ABAT: variants seen among roughly 807,000 people sequenced by gnomAD.
ABAT encodes 4-aminobutyrate aminotransferase.
In ABAT, 45 loss-of-function variants were observed where a neutral mutation model predicts 64.6. The ratio of observed to expected loss-of-function variants is 0.70; its 90% CI spans 0.55 to 0.89. The LOEUF (loss-of-function observed/expected upper bound fraction) is 0.89. ABAT is among the 40% of genes least tolerant of loss of function. The pLI is 0.00. For synonymous variants in ABAT, 297 were observed against 250.5 expected (o/e 1.19, Z -1.75); for missense variants, 633 against 658.4 (o/e 0.96, Z 0.42).
Position 8,776,209 on chromosome 16 carries a change from C to T in ABAT, c.1123-135C>T, listed in dbSNP as rs2142998051. ...AATTCAGCGAGATTGGGTGTGTTCCCCTGCCAGCCTCTGGTAGATGCCCAC... is the reference window on the plus strand; with the variant it reads ...AATTCAGCGAGATTGGGTGTGTTCCTCTGCCAGCCTCTGGTAGATGCCCAC... On this transcript the variant is annotated intron_variant, in intron 13 of 15. Transcript: ENST00000268251. This position sits in a 1 kb window ranked among gnomAD's most constrained non-coding sequence, Gnocchi z 4.4. 1.6e-6 allele frequency: 2 copies of T among 1,230,544 alleles called. No homozygotes were observed. The highest frequency in any genetic ancestry group is 1.2e-5 in the South Asian group (1 of 80,354). 76.2% of individuals were successfully genotyped at this position (1,230,544 alleles called of 1,614,324 possible). A position where few individuals can be genotyped will look rare whatever the true frequency, so the allele number is the denominator to read the frequency against.
intron 1 of ABAT, among the ~76,000 whole-genome samples, chr16:8,688,923 C>CA (rs2057518060): frequency 6.6e-6 from 1 of 151,922 alleles, no homozygotes; most frequent in Admixed American, 6.6e-5. Flanking sequence ...TAAAAATACA[C>CA]AAAAAAATTA....
At chr16:8,740,254 A>G (rs916971840) in intron 2 of ABAT, among the ~76,000 whole-genome samples, 3 of 152,224 alleles carry the variant, frequency 2.0e-5, no homozygotes, top group East Asian at 1.9e-4. Flanking sequence ...GATTTAGCAG[A>G]TTGGGATCCT....
intron 1 of ABAT, among the ~76,000 whole-genome samples, chr16:8,724,731 G>GAAAAAAA (rs1567286719): frequency 1.4e-5 from 1 of 73,190 alleles, no homozygotes; most frequent in African/African-American, 4.3e-5. Context: ...CTTGTCTCAG[G>GAAAAAAA]AAAAAAAAAA....
At chr16:8,771,581 G>A (rs1240739286) in intron 11 of ABAT, among the ~76,000 whole-genome samples, 1 of 151,154 alleles carries the variant, frequency 6.6e-6, no homozygotes, top group African/African-American at 2.4e-5. Flanking sequence ...CGATTCTCGT[G>A]CCTCAGCCAC....
chr16:8,779,259 G>C (rs575757410), intron 14 of ABAT, among the ~76,000 whole-genome samples: 1 of 151,210 alleles, frequency 6.6e-6, no homozygotes, highest in East Asian at 1.9e-4. Flanking sequence ...GCTGGTGGTG[G>C]TGGTGGTGGT....
chr16:8,728,905 A>G (rs947961093), intron 1 of ABAT, among the ~76,000 whole-genome samples: 15 of 152,192 alleles, frequency 9.9e-5, no homozygotes, highest in African/African-American at 3.4e-4. Flanking sequence ...CAGTTAATTC[A>G]TGGCCACACT....
intron 2 of ABAT, among the ~76,000 whole-genome samples, chr16:8,742,760 G>C (rs2059198536): frequency 1.3e-5 from 2 of 151,550 alleles, no homozygotes. Context: ...CAGCTACTCA[G>C]GGGGCTAAGG....
At chr16:8,725,324 A>T (rs1341585535) in intron 1 of ABAT, among the ~76,000 whole-genome samples, 1 of 151,896 alleles carries the variant, frequency 6.6e-6, no homozygotes, top group African/African-American at 2.4e-5. Flanking sequence ...CTAATTCCAG[A>T]TTTTTTTCAT....
chr16:8,781,449 A>G lies in ABAT; in HGVS notation c.*19A>G. On this transcript the variant is annotated 3_prime_UTR_variant, in exon 16 of 16. Transcript: ENST00000268251. This position sits in a 1 kb window ranked among gnomAD's most constrained non-coding sequence, Gnocchi z 4.5. ...CAAGTAAAGAAGCCATTTCCACTAC[A>G]GTGAGAAAGCCCGGATCCCAACAGT... 1 of 1,614,156 alleles carries G rather than the reference A, an allele frequency of 6.2e-7. No individual in the cohort carries two copies. The highest frequency in any genetic ancestry group is 8.5e-7 in the Non-Finnish European group (1 of 1,180,012).
rs138228477 is a variant in ABAT at position 8,777,420 on chromosome 16, C to A, written c.1269+930C>A. Among the ~76,000 whole-genome samples the A allele has an allele frequency of 7.9e-5, 12 of 152,272 alleles. No homozygotes were observed. The East Asian group carries it at 2.3e-3, about 29-fold the overall frequency. On this transcript the variant is annotated intron_variant, in intron 14 of 15. Transcript: ENST00000268251. Reference sequence around the variant, plus strand: ...AAATGGCTCCTGGAGCTCCAGCCATCGCATCTCAATTCCAGGCAATAGGAA... The same window carrying A: ...AAATGGCTCCTGGAGCTCCAGCCATAGCATCTCAATTCCAGGCAATAGGAA...
intron 1 of ABAT, among the ~76,000 whole-genome samples, chr16:8,728,565 A>G (rs6497583): frequency 0.35 from 51,740 of 149,792 alleles, 9,210 homozygotes; most frequent in East Asian, 0.5. Flanking sequence ...GAAAAAAAAA[A>G]TCCATTGAGT....
chr16:8,755,941 C>A (rs1324037775), intron 5 of ABAT, among the ~76,000 whole-genome samples: 2 of 151,944 alleles, frequency 1.3e-5, no homozygotes, highest in African/African-American at 4.8e-5. Flanking sequence ...CCCAGCTACT[C>A]GGGAGGCTGA....
chr16:8,740,290 G>A (rs766310289), intron 2 of ABAT, among the ~76,000 whole-genome samples: 7 of 152,124 alleles, frequency 4.6e-5, no homozygotes, highest in African/African-American at 9.7e-5. Context: ...CAGTTTCTGC[G>A]GGTTGGGACT....
At chr16:8,771,484 T>TTTTTTTTTTA (rs2060107951) in intron 11 of ABAT, among the ~76,000 whole-genome samples, 1 of 127,466 alleles carries the variant, frequency 7.8e-6, no homozygotes, top group Admixed American at 8.1e-5. Context: ...TTTTTTTTTT[T>TTTTTTTTTTA]GAGACAGAGT....
At chr16:8,735,497 G>A (rs530241469) in intron 1 of ABAT, among the ~76,000 whole-genome samples, 10 of 152,224 alleles carry the variant, frequency 6.6e-5, no homozygotes, top group African/African-American at 1.9e-4. Flanking sequence ...AGAAGTCCTC[G>A]GTCTCCCAGT....
chr16:8,756,630 C>T (rs142497630), intron 5 of ABAT, among the ~76,000 whole-genome samples: 1 of 152,226 alleles, frequency 6.6e-6, no homozygotes, highest in Admixed American at 6.5e-5. Flanking sequence ...TAAGCATACA[C>T]ATATCCTGTG....
intron 2 of ABAT, among the ~76,000 whole-genome samples, chr16:8,738,016 G>GAAAAA (rs377342959): frequency 5.2e-5 from 3 of 57,680 alleles, no homozygotes; most frequent in East Asian, 5.4e-4. Context: ...AAGAAAGAAA[G>GAAAAA]GAAAGAAAGA....
chr16:8,716,328 T>C (rs116525813), intron 1 of ABAT, among the ~76,000 whole-genome samples: 2,349 of 152,262 alleles, frequency 0.015, 55 homozygotes, highest in African/African-American at 0.053. Context: ...AATTATAATA[T>C]CAGAAGGTTG....
chr16:8,735,290 C>T (rs1237502632), intron 1 of ABAT, among the ~76,000 whole-genome samples: 1 of 151,194 alleles, frequency 6.6e-6, no homozygotes, highest in Admixed American at 6.6e-5. Context: ...ATCACTTTGT[C>T]ACCCAGGCTG....
Sources: allele counts gnomAD v4.1 joint callset (sites outside exome capture counted in the v4.1 genomes callset), GRCh38; gene constraint gnomAD v4.1.1; non-coding constraint Gnocchi (gnomAD v3.1); transcripts MANE v1.5; gene names NCBI Gene and HGNC (gene_info 2026-07-23, HGNC 2026-07-21).